Variants in NPFFR1 observed in about 807,000 individuals in gnomAD.
NPFFR1 encodes the protein neuropeptide FF receptor 1.
A neutral mutation model predicts 12.7 loss-of-function variants in NPFFR1; 17 were observed. That is an observed-to-expected ratio of 1.34 (90% CI 0.92 to 2.01). The LOEUF (loss-of-function observed/expected upper bound fraction) is 2.01, where lower values mean the gene tolerates loss of function less well. NPFFR1 is among the 30% of genes most tolerant of loss of function. NPFFR1 has a pLI of 0.00. For synonymous variants in NPFFR1, 296 were observed against 264.5 expected, an observed-to-expected ratio of 1.12 and a Z score of -1.16; for missense variants, 604 against 606.5, an observed-to-expected ratio of 1.00 and a Z score of 0.04.
chr10:70,255,851 G>T lies in NPFFR1; in HGVS notation c.423-24C>A. On this transcript the variant is annotated intron_variant, in intron 3 of 3. Coordinates refer to ENST00000277942, the MANE Select transcript of NPFFR1 (RefSeq NM_022146.5). This position sits in a 1 kb window ranked among gnomAD's most constrained non-coding sequence, Gnocchi z 4.2. ...ACCTGCCGCGGGGAGAGAGACAGGC[G>T]GGATCTGGGTGGGTCCTAGGGCCCC... 6.3e-7 allele frequency: 1 copy of T among 1,589,420 alleles called. No homozygotes were observed. The highest frequency in any genetic ancestry group is 8.6e-7 in the Non-Finnish European group (1 of 1,167,952).
intron 2 of NPFFR1, 43 bp downstream of exon 2, chr10:70,266,034 T>TG (rs771126910): frequency 2.6e-6 from 4 of 1,540,440 alleles, no homozygotes; most frequent in South Asian, 1.2e-5. Flanking sequence ...GAAGTTGAAG[T>TG]GGGGGGTAGG....
rs1428680507 is a variant in NPFFR1, at chr10:70,248,073, CTCTT to C, written c.*6880_*6883del. 2 of 152,118 alleles carry C rather than the reference CTCTT, an allele frequency of 1.3e-5. No individual in the cohort carries two copies. The highest frequency in any genetic ancestry group is 3.8e-4 in the East Asian group (2 of 5,202). The allele number at this position is 152,118 out of a possible 1,614,324, so 9.4% of individuals were successfully genotyped here. A position where few individuals can be genotyped will look rare whatever the true frequency, so the allele number is the denominator to read the frequency against. On this transcript the variant is annotated 3_prime_UTR_variant, in exon 4 of 4. Transcript: ENST00000277942. ...GGATTATGGGAGACCTCCATCAAGG[CTCTT>C]TCTTTTACTCTGAACCTCAGTTTCC... is the stretch of plus-strand genomic sequence containing the variant.
chr10:70,248,998 A>G lies in NPFFR1; in HGVS notation c.*5959T>C, dbSNP rs1840482856. 6.6e-6 allele frequency: 1 copy of G among 152,172 alleles called. No homozygotes were observed. Among genetic ancestry groups the G allele is most frequent in the African/African-American group, 2.4e-5 (1 of 41,428 alleles). 9.4% of individuals were successfully genotyped at this position (152,172 alleles called of 1,614,324 possible). A position where few individuals can be genotyped will look rare whatever the true frequency, so the allele number is the denominator to read the frequency against. On this transcript the variant is annotated 3_prime_UTR_variant, in exon 4 of 4. Transcript: ENST00000277942. ...CTCTCTCACTTCATATCTGTACTCAAACATCACCTCTTCACAGAGGCCATT... is the reference window on the plus strand; with the variant it reads ...CTCTCTCACTTCATATCTGTACTCAGACATCACCTCTTCACAGAGGCCATT...
At position 70,249,419 on chromosome 10, in the gene NPFFR1, T is replaced by C. The variant is rs910743974; in HGVS notation, c.*5538A>G. On this transcript the variant is annotated 3_prime_UTR_variant, in exon 4 of 4. Coordinates refer to ENST00000277942, the MANE Select transcript of NPFFR1 (RefSeq NM_022146.5). Reference sequence around the variant, plus strand: ...TGTCTCAAAAAAAAAAAAATTATATTCACAAAAAAATCCCTTAGAGTTAGG... The same window carrying C: ...TGTCTCAAAAAAAAAAAAATTATATCCACAAAAAAATCCCTTAGAGTTAGG... The C allele has an allele frequency of 3.3e-5, 5 of 151,634 alleles. No individual in the cohort carries two copies. The highest frequency in any genetic ancestry group is 9.7e-5 in the African/African-American group (4 of 41,290). The allele number at this position is 151,634 out of a possible 1,614,324, so 9.4% of individuals were successfully genotyped here.
chr10:70,259,853 A>C (rs566242644), intron 3 of NPFFR1, among the ~76,000 whole-genome samples: 2 of 152,368 alleles, frequency 1.3e-5, no homozygotes, highest in Admixed American at 1.3e-4. Flanking sequence ...ACCATTTTAC[A>C]GATGAGACTA....
In NPFFR1 at chr10:70,255,355, T is replaced by G. The variant is rs1283269477; in HGVS notation, c.895A>C (p.Ser299Arg). 1 of 1,563,076 alleles carries G rather than the reference T, an allele frequency of 6.4e-7. No homozygotes were observed. The highest frequency in any genetic ancestry group is 8.6e-7 in the Non-Finnish European group (1 of 1,158,418). Residue 299 changes from serine to arginine, a missense_variant, in exon 4 of 4, where the codon AGC becomes CGC. Physicochemically the swap from Ser to Arg is moderately radical, Grantham distance 110. Transcript: ENST00000277942. The surrounding 1 kb of genome is among the most constrained non-coding windows in gnomAD (Gnocchi z 4.2). ...LLLLIDYGQLSAPQLHLVTVY... is the reference protein window; with the variant it reads ...LLLLIDYGQLRAPQLHLVTVY... ...GTGACCAGGTGCAGCTGCGGCGCGC[T>G]GAGCTGCCCGTAGTCGATGAGCAGC...
Position 70,255,215 on chromosome 10 carries a change from G to A in NPFFR1, c.1035C>T (p.Arg345=). 6.5e-7 allele frequency: 1 copy of A among 1,549,672 alleles called. No homozygotes were observed. Among genetic ancestry groups the A allele is most frequent in the Non-Finnish European group, 8.7e-7 (1 of 1,151,628 alleles). ...CCGACGGGCGCGGGCAGAGGCGGGC[G>A]CGGAAGGCGGCCTGGAAGCCGCGGC... ...NFRRGFQAAF[R]ARLCPRPSGS... The change falls in exon 4 of 4, where the codon CGC becomes CGT. Residue 345 remains arginine, a synonymous_variant. Transcript: ENST00000277942. The surrounding 1 kb of genome is among the most constrained non-coding windows in gnomAD (Gnocchi z 4.2).
chr10:70,257,796 C>A (rs1285173067), intron 3 of NPFFR1, among the ~76,000 whole-genome samples: 1 of 152,234 alleles, frequency 6.6e-6, no homozygotes, highest in Non-Finnish European at 1.5e-5. Context: ...AGAAAAACCA[C>A]CCTATGGTGG....
rs755070089 is a variant in NPFFR1, at chr10:70,266,177, C to T, written c.222G>A (p.Met74Ile). The change falls in exon 2 of 4, where the codon ATG becomes ATA. Residue 74 changes from methionine to isoleucine, a missense_variant. Met to Ile is a conservative substitution (Grantham distance 10, BLOSUM62 1). Coordinates refer to ENST00000277942, the MANE Select transcript of NPFFR1 (RefSeq NM_022146.5). Reference sequence around the variant, plus strand: ...GGATGAACATGTTGGTGACAGTATGCATGTGCCGGTTCTTGAGCACGATGA... The same window carrying T: ...GGATGAACATGTTGGTGACAGTATGTATGTGCCGGTTCTTGAGCACGATGA... ...VCFIVLKNRH[M>I]HTVTNMFILN... 1.2e-6 allele frequency: 2 copies of T among 1,614,030 alleles called. No homozygotes were observed. The highest frequency in any genetic ancestry group is 1.7e-6 in the Non-Finnish European group (2 of 1,179,896).
chr10:70,272,171 GAA>G (rs1840750523), intron 1 of NPFFR1, among the ~76,000 whole-genome samples: 1 of 121,428 alleles, frequency 8.2e-6, no homozygotes, highest in Non-Finnish European at 1.8e-5. Flanking sequence ...GAGAAAGAAA[GAA>G]AGAAGGGAGG....
At chr10:70,260,000 C>T (rs568890399) in intron 3 of NPFFR1, among the ~76,000 whole-genome samples, 21 of 152,216 alleles carry the variant, frequency 1.4e-4, no homozygotes, top group Non-Finnish European at 3.1e-4. Flanking sequence ...GCTAACAATG[C>T]TGTGGGGGAG....
In NPFFR1 at chr10:70,255,471, C is replaced by A. The variant is rs548531274; in HGVS notation, c.779G>T (p.Arg260Leu). The change falls in exon 4 of 4, where the codon CGA (arginine) becomes CTA (leucine). Residue 260 changes from arginine (R) to leucine (L), a missense_variant. Coordinates refer to ENST00000277942, the MANE Select transcript of NPFFR1 (RefSeq NM_022146.5). This position sits in a 1 kb window ranked among gnomAD's most constrained non-coding sequence, Gnocchi z 4.2. ...CACGCGCGCTCTGCGCCGCGATGCT[C>A]GCGGGTCCGCAGCCTCCTCGCCCCC... ...APGGEEAADP[R>L]ASRRRARVVH... 3 of 1,548,150 alleles carry A rather than the reference C, an allele frequency of 1.9e-6. No individual in the cohort carries two copies. Among genetic ancestry groups the A allele is most frequent in the Non-Finnish European group, 2.6e-6 (3 of 1,146,038 alleles).
Position 70,252,918 on chromosome 10 carries a change from C to T in NPFFR1, c.*2039G>A, listed in dbSNP as rs1840525709. The T allele has an allele frequency of 6.6e-6, 1 of 152,140 alleles. No individual in the cohort carries two copies. 9.4% of individuals were successfully genotyped at this position (152,140 alleles called of 1,614,324 possible). Reference sequence around the variant, plus strand: ...CCCCAGAGGAGACACCAGGTGGTGTCTTCAGACAATTCCCACCCAGCCATA... The same window carrying T: ...CCCCAGAGGAGACACCAGGTGGTGTTTTCAGACAATTCCCACCCAGCCATA... On this transcript the variant is annotated 3_prime_UTR_variant, in exon 4 of 4. Coordinates refer to ENST00000277942, the MANE Select transcript of NPFFR1 (RefSeq NM_022146.5).
At chr10:70,256,672 G>A (rs1197538092) in intron 3 of NPFFR1, among the ~76,000 whole-genome samples, 1 of 152,134 alleles carries the variant, frequency 6.6e-6, no homozygotes, top group Non-Finnish European at 1.5e-5. Flanking sequence ...TTTTTTAAAG[G>A]TGAGGCCTTT....
chr10:70,276,584 CTTTTTT>C (rs57759018), intron 1 of NPFFR1, among the ~76,000 whole-genome samples: 1 of 117,338 alleles, frequency 8.5e-6, no homozygotes, highest in Admixed American at 9.9e-5. Flanking sequence ...ATGTTTGTAT[CTTTTTT>C]TTTTTTTTTT....
Position 70,252,089 on chromosome 10 carries a change from A to G in NPFFR1, c.*2868T>C, listed in dbSNP as rs1029663385. 6.6e-6 allele frequency: 1 copy of G among 151,896 alleles called. No homozygotes were observed. Among genetic ancestry groups the G allele is most frequent in the Non-Finnish European group, 1.5e-5 (1 of 67,992 alleles). 9.4% of individuals were successfully genotyped at this position (151,896 alleles called of 1,614,324 possible). A position where few individuals can be genotyped will look rare whatever the true frequency, so the allele number is the denominator to read the frequency against. On this transcript the variant is annotated 3_prime_UTR_variant, in exon 4 of 4. Coordinates refer to ENST00000277942, the MANE Select transcript of NPFFR1 (RefSeq NM_022146.5). ...CAGGAACTACTTCTAGCATCTAAAA[A>G]CTCCATACATTATTCACAGTAGCCA...
Position 70,255,022 on chromosome 10 carries a change from C to T in NPFFR1, c.1228G>A (p.Gly410Ser). ...CAGCCAGGCCCTTCCCTGGGCAAGC[C>T]GTGGTGAGCCACCCGCCCATTCCGC... ...PLRNGRVAHH[G>S]LPREGPGCSH... Residue 410 changes from glycine to serine, a missense_variant, in exon 4 of 4, where the codon GGC becomes AGC. Gly to Ser is a moderately conservative substitution (Grantham distance 56, BLOSUM62 0). Coordinates refer to ENST00000277942, the MANE Select transcript of NPFFR1 (RefSeq NM_022146.5). This position sits in a 1 kb window ranked among gnomAD's most constrained non-coding sequence, Gnocchi z 4.2. The T allele has an allele frequency of 1.4e-6, 2 of 1,441,616 alleles. No individual in the cohort carries two copies. The highest frequency in any genetic ancestry group is 1.8e-6 in the Non-Finnish European group (2 of 1,104,468). 89.3% of individuals were successfully genotyped at this position (1,441,616 alleles called of 1,614,324 possible).
chr10:70,276,651 G>A (rs1174294831), intron 1 of NPFFR1, among the ~76,000 whole-genome samples: 3 of 144,162 alleles, frequency 2.1e-5, no homozygotes, highest in Non-Finnish European at 1.5e-5. Flanking sequence ...GCAGTGGCGC[G>A]ATCTGGGTTC....
chr10:70,280,959 G>A (rs191327750), intron 1 of NPFFR1, among the ~76,000 whole-genome samples: 96 of 152,248 alleles, frequency 6.3e-4, no homozygotes, highest in Middle Eastern at 3.4e-3. Flanking sequence ...CCGAGAACAC[G>A]CCACTGCACT....
Sources: gnomAD v4.1 joint callset for allele counts (sites outside exome capture counted in the v4.1 genomes callset) on GRCh38, gnomAD v4.1.1 for gene constraint, Gnocchi (gnomAD v3.1) non-coding constraint, MANE v1.5 for transcripts, NCBI Gene and HGNC (gene_info 2026-07-23, HGNC 2026-07-21) for gene names.